CSN1S1: variants seen among roughly 807,000 people sequenced by gnomAD.
CSN1S1 encodes the protein alpha-S1-casein.
Under a neutral mutation model 49.1 loss-of-function variants are expected in CSN1S1, and 63 were observed. The observed-to-expected ratio is 1.28, with a 90% CI of 1.05 to 1.58. The LOEUF is 1.58. Among genes scored for constraint, CSN1S1 ranks in the 40% most tolerant of loss-of-function variants. The pLI, the probability that CSN1S1 is intolerant of heterozygous loss-of-function variation, is 0.00. For synonymous variants in CSN1S1, 78 were observed against 67.1 expected, an observed-to-expected ratio of 1.16 and a Z score of -0.79; for missense variants, 260 against 224.7, an observed-to-expected ratio of 1.16 and a Z score of -1.01.
intron 14 of CSN1S1, among the ~76,000 whole-genome samples, chr4:69,943,163 A>ATATTATTATTAT (rs3078677): frequency 6.9e-5 from 10 of 144,856 alleles, no homozygotes; most frequent in African/African-American, 2.5e-4. Context: ...TTCCATGTGA[A>ATATTATTATTAT]TATTATTATT....
chr4:69,937,363 T>C (rs866989340), intron 8 of CSN1S1, among the ~76,000 whole-genome samples: 47 of 148,834 alleles, frequency 3.2e-4, no homozygotes, highest in African/African-American at 1.1e-3. Flanking sequence ...TCTGTATTGC[T>C]GTAGTCGTGA....
chr4:69,944,947 T>G lies in CSN1S1; in HGVS notation c.500T>G (p.Ile167Ser). The change falls in exon 15 of 16, where the codon ATC (isoleucine) becomes AGC (serine). Residue 167 changes from isoleucine (I) to serine (S), a missense_variant. Physicochemically the swap from Ile to Ser is moderately radical, Grantham distance 142 (BLOSUM62 -2). Coordinates refer to ENST00000246891, the MANE Select transcript of CSN1S1 (RefSeq NM_001890.2). ...GTTCCTTTCCCACCGTTTTCCGACA[T>G]CTCCAATCCCACTGCTCATGAAAAT... is the stretch of plus-strand genomic sequence containing the variant. ...QYVPFPPFSD[I>S]SNPTAHENYE... 1 of 1,612,932 alleles carries G rather than the reference T, an allele frequency of 6.2e-7. No homozygotes were observed. The highest frequency in any genetic ancestry group is 8.5e-7 in the Non-Finnish European group (1 of 1,179,288).
At chr4:69,936,357 T>A (rs1722782978) in intron 5 of CSN1S1, 99 bp from the exon 6 acceptor site, 3 of 919,572 alleles carry the variant, frequency 3.3e-6, no homozygotes, top group Non-Finnish European at 3.4e-6. Flanking sequence ...TATTTTTAAA[T>A]TTGTATCAGC....
chr4:69,936,573 A>G lies in CSN1S1; in HGVS notation c.161A>G (p.Asn54Ser). 1 of 1,606,244 alleles carries G rather than the reference A, an allele frequency of 6.2e-7. No individual in the cohort carries two copies. The highest frequency in any genetic ancestry group is 1.1e-5 in the South Asian group (1 of 89,750). Residue 54 changes from asparagine to serine, a missense_variant, in exon 7 of 16, where the codon AAC becomes AGC. Asn to Ser is a conservative substitution (Grantham distance 46). Coordinates refer to ENST00000246891, the MANE Select transcript of CSN1S1 (RefSeq NM_001890.2). Reference protein sequence around the residue: ...EYMNGMNRQRNILREKQTDEI... With the variant: ...EYMNGMNRQRSILREKQTDEI... ...ACACTTTATTGATTTTAGCAGAGAA[A>G]CATTCTGAGAGAAAAACAGACTGAT...
At chr4:69,936,702 G>T in intron 7 of CSN1S1, 95 bp downstream of exon 7, 1 of 1,145,254 alleles carries the variant, frequency 8.7e-7, no homozygotes, top group East Asian at 2.6e-5. Context: ...TTTTTCTATG[G>T]TTTTGTCCTT....
intron 15 of CSN1S1, 109 bp from the exon 16 acceptor site, chr4:69,946,087 C>A: frequency 2.9e-6 from 1 of 350,792 alleles, no homozygotes; most frequent in Non-Finnish European, 5.5e-6. Context: ...ACATTGTGAG[C>A]TTGTCTAATA....
At chr4:69,932,875 A>G in intron 2 of CSN1S1, among the ~76,000 whole-genome samples, 1 of 152,158 alleles carries the variant, frequency 6.6e-6, no homozygotes, top group East Asian at 1.9e-4. Context: ...AAAGTAAGAA[A>G]AAGAATAAGG....
intron 11 of CSN1S1, 84 bp downstream of exon 11, chr4:69,940,128 C>A (rs1722929066): frequency 3.9e-6 from 2 of 513,046 alleles, no homozygotes; most frequent in Admixed American, 4.3e-5. Flanking sequence ...CACACACACA[C>A]ACACACACAC....
At chr4:69,939,818 G>T (rs976432223) in intron 10 of CSN1S1, among the ~76,000 whole-genome samples, 2 of 151,604 alleles carry the variant, frequency 1.3e-5, no homozygotes, top group Non-Finnish European at 3.0e-5. Flanking sequence ...GCAATGTAGT[G>T]GTTAAAGCAG....
Position 69,936,339 on chromosome 4 carries a change from A to G in CSN1S1, c.130-117A>G, listed in dbSNP as rs1722782013. ...AAGGAATATTAGTTCATTCAGGAAA[A>G]ATGGATTTATTTTTAAATTTGTATC... On this transcript the variant is annotated intron_variant, in intron 5 of 15. Coordinates refer to ENST00000246891, the MANE Select transcript of CSN1S1 (RefSeq NM_001890.2). 9.5e-6 allele frequency: 8 copies of G among 842,664 alleles called. No homozygotes were observed. The Middle Eastern group carries it at 1.0e-3, about 106-fold the overall frequency. 52.2% of individuals were successfully genotyped at this position (842,664 alleles called of 1,614,324 possible).
chr4:69,937,996 C>A (rs1395953838), intron 9 of CSN1S1, among the ~76,000 whole-genome samples, 173 bp downstream of exon 9: 1 of 151,754 alleles, frequency 6.6e-6, no homozygotes, highest in African/African-American at 2.4e-5. Flanking sequence ...ACTTATTGAA[C>A]TTCTCAAACA....
chr4:69,934,041 T>C (rs114709985), intron 2 of CSN1S1, among the ~76,000 whole-genome samples, 171 bp from the exon 3 acceptor site: 2,269 of 152,156 alleles, frequency 0.015, 56 homozygotes, highest in African/African-American at 0.053. Context: ...TGATTTCTTT[T>C]TTTTTCCCTG....
chr4:69,931,371 G>A (rs1388289013), intron 1 of CSN1S1, among the ~76,000 whole-genome samples: 1 of 151,866 alleles, frequency 6.6e-6, no homozygotes. Context: ...TATTTTTAAA[G>A]TTGATACATA....
Position 69,942,059 on chromosome 4 carries a change from C to T in CSN1S1, c.356C>T (p.Ala119Val). 6.9e-7 allele frequency: 1 copy of T among 1,457,390 alleles called. No individual in the cohort carries two copies. Among genetic ancestry groups the T allele is most frequent in the South Asian group, 1.4e-5 (1 of 70,912 alleles). The allele number at this position is 1,457,390 out of a possible 1,614,324, so 90.3% of individuals were successfully genotyped here. A position where few individuals can be genotyped will look rare whatever the true frequency, so the allele number is the denominator to read the frequency against. ...TCTCCTCCCTAGCAAGCTGCCCATGCCCAGGTGAGATTATTTATTAAATCT... is the reference window on the plus strand; with the variant it reads ...TCTCCTCCCTAGCAAGCTGCCCATGTCCAGGTGAGATTATTTATTAAATCT... ...YNQLQLQAAH[A>V]QEQIRRMNEN... The change falls in exon 13 of 16, where the codon GCC becomes GTC. Residue 119 changes from alanine to valine, a missense_variant. By Grantham distance (64) the Ala-to-Val change is moderately conservative. Transcript: ENST00000246891.
At chr4:69,931,769 G>C (rs1471844544) in intron 1 of CSN1S1, among the ~76,000 whole-genome samples, 1 of 151,784 alleles carries the variant, frequency 6.6e-6, no homozygotes, top group East Asian at 1.9e-4. Flanking sequence ...CAAATAGTAT[G>C]TGTGACCTGA....
At chr4:69,938,883 T>C (rs1030384628) in intron 9 of CSN1S1, among the ~76,000 whole-genome samples, 1 of 151,768 alleles carries the variant, frequency 6.6e-6, no homozygotes, top group East Asian at 1.9e-4. Flanking sequence ...CACAAAAATC[T>C]ATGCAAATTT....
intron 14 of CSN1S1, among the ~76,000 whole-genome samples, chr4:69,943,917 T>A (rs529396497): frequency 6.6e-6 from 1 of 152,138 alleles, no homozygotes; most frequent in Non-Finnish European, 1.5e-5. Context: ...CCACTTCTCA[T>A]CACTGTTGTA....
At chr4:69,931,384 T>G (rs894269177) in intron 1 of CSN1S1, among the ~76,000 whole-genome samples, 4 of 152,002 alleles carry the variant, frequency 2.6e-5, no homozygotes, top group Non-Finnish European at 4.4e-5. Flanking sequence ...GATACATAAT[T>G]TCAGTAGAGG....
chr4:69,933,839 A>G (rs1480544975), intron 2 of CSN1S1, among the ~76,000 whole-genome samples: 1 of 152,040 alleles, frequency 6.6e-6, no homozygotes, highest in Non-Finnish European at 1.5e-5. Flanking sequence ...ATACTAGTTT[A>G]AAATCATCTT....
Sources: gnomAD v4.1 joint callset for allele counts (sites outside exome capture counted in the v4.1 genomes callset) on GRCh38, gnomAD v4.1.1 for gene constraint, MANE v1.5 for transcripts, NCBI Gene and HGNC (gene_info 2026-07-23, HGNC 2026-07-21) for gene names.